SORCS3: variants seen among roughly 807,000 people sequenced by gnomAD.
SORCS3 encodes VPS10 domain-containing receptor SorCS3.
Under a neutral mutation model 146.3 loss-of-function variants are expected in SORCS3, and 57 were observed. The observed-to-expected ratio is 0.39, with a 90% CI of 0.31 to 0.49. The LOEUF (loss-of-function observed/expected upper bound fraction) is 0.49. Ranked by LOEUF, SORCS3 falls within the 20% of genes least tolerant of loss-of-function variation. The pLI, the probability that SORCS3 is intolerant of heterozygous loss-of-function variation, is 0.92. For synonymous variants in SORCS3, 653 were observed against 618.5 expected, an observed-to-expected ratio of 1.06 and a Z score of -0.83; for missense variants, 1,341 against 1,575.5, an observed-to-expected ratio of 0.85 and a Z score of 2.52.
chr10:104,762,150 C>T (rs968039051), intron 1 of SORCS3, among the ~76,000 whole-genome samples: 1 of 152,128 alleles, frequency 6.6e-6, no homozygotes, highest in African/African-American at 2.4e-5. Flanking sequence ...TCTTTTGGTC[C>T]ATCTCTGGCC....
intron 2 of SORCS3, among the ~76,000 whole-genome samples, chr10:104,854,929 A>G (rs2018313616): frequency 6.6e-6 from 1 of 152,132 alleles, no homozygotes; most frequent in Admixed American, 6.5e-5. Flanking sequence ...CTAGGGTATG[A>G]ATGTACGTCA....
At chr10:105,073,387 C>T (rs1015064928) in intron 5 of SORCS3, among the ~76,000 whole-genome samples, 21 of 152,300 alleles carry the variant, frequency 1.4e-4, no homozygotes, top group South Asian at 6.2e-4. Flanking sequence ...TAGAGAATGA[C>T]GCTGGACACA....
rs533721510 is a variant in SORCS3, at chr10:104,945,737, G to A, written c.795+29805G>A. Among the ~76,000 whole-genome samples the A allele has an allele frequency of 2.6e-5, 4 of 151,852 alleles. No homozygotes were observed. In the East Asian group the frequency reaches 7.7e-4, roughly 29 times the overall value. On this transcript the variant is annotated intron_variant, in intron 3 of 26. Transcript: ENST00000369701. ...TAAGGAGGAGGCACCTCAATTCACC[G>A]GGATACACTTTTTCACAAAATTAAG...
chr10:104,968,923 A>G (rs1276720217), intron 3 of SORCS3, among the ~76,000 whole-genome samples: 1 of 152,218 alleles, frequency 6.6e-6, no homozygotes, highest in Non-Finnish European at 1.5e-5. Context: ...CCGATTTGAC[A>G]CAGTCCTCAC....
intron 3 of SORCS3, among the ~76,000 whole-genome samples, chr10:104,933,058 C>A (rs1270120404): frequency 6.6e-6 from 1 of 152,128 alleles, no homozygotes; most frequent in Non-Finnish European, 1.5e-5. Flanking sequence ...TTGTTCCATA[C>A]CTCAGGCTAC....
intron 8 of SORCS3, among the ~76,000 whole-genome samples, chr10:105,146,030 T>A (rs1464178118): frequency 1.3e-5 from 2 of 152,140 alleles, no homozygotes; most frequent in African/African-American, 4.8e-5. Context: ...AGACCCTGCC[T>A]GATTATTAAG....
intron 2 of SORCS3, among the ~76,000 whole-genome samples, chr10:104,915,400 C>G (rs774648034): frequency 4.0e-5 from 6 of 151,870 alleles, no homozygotes; most frequent in Non-Finnish European, 8.8e-5. Context: ...TGGTTGTACC[C>G]TGGTGATGAC....
At chr10:105,159,089 A>C (rs552280938) in intron 11 of SORCS3, 95 bp downstream of exon 11, 25 of 867,168 alleles carry the variant, frequency 2.9e-5, no homozygotes, top group Non-Finnish European at 4.0e-5. Flanking sequence ...TGAGCATCAG[A>C]TGAAAGCTGT....
chr10:104,839,684 A>T (rs573186128), intron 1 of SORCS3, among the ~76,000 whole-genome samples: 1 of 152,344 alleles, frequency 6.6e-6, no homozygotes, highest in Admixed American at 6.5e-5. Context: ...AATTGAAACC[A>T]TCTACCATGA....
chr10:104,976,736 A>T (rs976943586), intron 3 of SORCS3, among the ~76,000 whole-genome samples: 4 of 152,258 alleles, frequency 2.6e-5, no homozygotes, highest in Non-Finnish European at 5.9e-5. Flanking sequence ...AGCCAGAAAA[A>T]TGATGAGTTC....
chr10:105,221,263 T>C (rs2056700766), intron 19 of SORCS3, among the ~76,000 whole-genome samples: 1 of 152,180 alleles, frequency 6.6e-6, no homozygotes, highest in Non-Finnish European at 1.5e-5. Flanking sequence ...TAGCAGTCAC[T>C]GTCCAAACAC....
intron 14 of SORCS3, among the ~76,000 whole-genome samples, chr10:105,181,321 G>T (rs1461679914): frequency 6.6e-6 from 1 of 152,166 alleles, no homozygotes; most frequent in South Asian, 2.1e-4. Context: ...AATGCAGTAG[G>T]TGCAAATCAT....
chr10:105,177,065 A>T (rs2056410530), intron 13 of SORCS3, among the ~76,000 whole-genome samples: 1 of 152,022 alleles, frequency 6.6e-6, no homozygotes. Flanking sequence ...ATGATAAGAC[A>T]TACATGATCT....
intron 1 of SORCS3, among the ~76,000 whole-genome samples, chr10:104,752,090 A>C (rs967967217): frequency 6.6e-6 from 1 of 150,502 alleles, no homozygotes; most frequent in South Asian, 2.1e-4. Context: ...GCTGGGGTGC[A>C]GTGGTGCGAT....
chr10:104,701,387 C>T (rs1023509743), intron 1 of SORCS3, among the ~76,000 whole-genome samples: 3 of 152,188 alleles, frequency 2.0e-5, no homozygotes, highest in Non-Finnish European at 4.4e-5. Context: ...GAAAATTGCA[C>T]TCTTAATTAC....
At chr10:105,116,264 A>G (rs971942402) in intron 7 of SORCS3, among the ~76,000 whole-genome samples, 9 of 152,168 alleles carry the variant, frequency 5.9e-5, no homozygotes, top group African/African-American at 2.4e-5. Flanking sequence ...ACCTGCTATC[A>G]CCTTGCCTCA....
At chr10:104,803,825 G>A (rs886463993) in intron 1 of SORCS3, among the ~76,000 whole-genome samples, 1 of 152,092 alleles carries the variant, frequency 6.6e-6, no homozygotes, top group Non-Finnish European at 1.5e-5. Context: ...TTCTCCTCCA[G>A]CTCTTCCTTG....
chr10:105,004,052 G>A (rs2055078494), intron 4 of SORCS3, among the ~76,000 whole-genome samples: 1 of 146,494 alleles, frequency 6.8e-6, no homozygotes, highest in Non-Finnish European at 1.5e-5. Flanking sequence ...GGCAGTTATG[G>A]GAAGTTTCTC....
At chr10:105,182,228 A>ATTTTTTTT (rs1306740780) in intron 14 of SORCS3, among the ~76,000 whole-genome samples, 4 of 69,336 alleles carry the variant, frequency 5.8e-5, no homozygotes, top group Non-Finnish European at 5.8e-5. Context: ...ACTATTCAGC[A>ATTTTTTTT]TCTTTTTTTT....
Sources: gnomAD v4.1 joint callset for allele counts (sites outside exome capture counted in the v4.1 genomes callset) on GRCh38, gnomAD v4.1.1 for gene constraint, MANE v1.5 for transcripts, NCBI Gene and HGNC (gene_info 2026-07-23, HGNC 2026-07-21) for gene names.